The following SLC24A4 variants were observed in gnomAD, a reference collection of about 807,000 sequenced individuals.
SLC24A4 encodes sodium/potassium/calcium exchanger 4.
A neutral mutation model predicts 79.0 loss-of-function variants in SLC24A4; 53 were observed. The observed-to-expected ratio is 0.67, with a 90% CI of 0.54 to 0.84. The LOEUF is 0.84. Ranked by LOEUF, SLC24A4 falls within the 40% of genes least tolerant of loss-of-function variation. The pLI, the probability that SLC24A4 is intolerant of heterozygous loss-of-function variation, is 0.00. For missense variants in SLC24A4, 731 were observed against 822.0 expected (o/e 0.89, Z 1.35); for synonymous variants, 323 against 323.8 (o/e 1.00, Z 0.03).
At chr14:92,393,867 C>T (rs2141744120) in intron 2 of SLC24A4, among the ~76,000 whole-genome samples, 1 of 151,974 alleles carries the variant, frequency 6.6e-6, no homozygotes, top group African/African-American at 2.4e-5. Flanking sequence ...AAAAATTAGC[C>T]AGGTATGGTG....
At chr14:92,362,095 T>C (rs1250001546) in intron 2 of SLC24A4, among the ~76,000 whole-genome samples, 1 of 152,098 alleles carries the variant, frequency 6.6e-6, no homozygotes, top group African/African-American at 2.4e-5. Context: ...TGACTGAGCG[T>C]CTTGGGGATG....
intron 12 of SLC24A4, among the ~76,000 whole-genome samples, chr14:92,466,968 C>T (rs1356681640): frequency 6.6e-6 from 1 of 152,230 alleles, no homozygotes; most frequent in Non-Finnish European, 1.5e-5. Flanking sequence ...AAAACAACCT[C>T]TGAGGTGTGA....
At chr14:92,330,269 T>C (rs996843367) in intron 2 of SLC24A4, among the ~76,000 whole-genome samples, 2 of 152,310 alleles carry the variant, frequency 1.3e-5, no homozygotes, top group South Asian at 2.1e-4. Context: ...ACAAAAGCAA[T>C]GCAAACAAAA....
chr14:92,393,566 T>TG (rs1555365263), intron 2 of SLC24A4, among the ~76,000 whole-genome samples: 1 of 146,214 alleles, frequency 6.8e-6, no homozygotes, highest in Admixed American at 6.7e-5. Context: ...TTTTTTTTTT[T>TG]ACGGAGTCTC....
At chr14:92,340,874 A>C (rs1210477212) in intron 2 of SLC24A4, among the ~76,000 whole-genome samples, 3 of 152,200 alleles carry the variant, frequency 2.0e-5, no homozygotes, top group Admixed American at 1.3e-4. Flanking sequence ...GAGCAGATGC[A>C]TTTGTTCTAA....
Position 92,449,235 on chromosome 14 carries a change from G to A in SLC24A4, c.880+19G>A, listed in dbSNP as rs1050760165. 6.2e-6 allele frequency: 10 copies of A among 1,612,568 alleles called. No homozygotes were observed. The East Asian group carries it at 6.7e-5, about 11-fold the overall frequency. On this transcript the variant is annotated intron_variant, in intron 10 of 16. Transcript: ENST00000532405. ...GGGCAAGGTAAGGCTGAGCAGACAGGAGTGGGCAGAAATGTGTCCTGGAAG... is the reference window on the plus strand; with the variant it reads ...GGGCAAGGTAAGGCTGAGCAGACAGAAGTGGGCAGAAATGTGTCCTGGAAG...
intron 2 of SLC24A4, among the ~76,000 whole-genome samples, chr14:92,375,470 T>C (rs1888446906): frequency 6.6e-6 from 1 of 152,170 alleles, no homozygotes; most frequent in African/African-American, 2.4e-5. Flanking sequence ...CACAAAGAAT[T>C]GAAAACAGGT....
chr14:92,464,588 C>T (rs1312120554), intron 12 of SLC24A4, among the ~76,000 whole-genome samples: 3 of 152,140 alleles, frequency 2.0e-5, no homozygotes, highest in Non-Finnish European at 2.9e-5. Context: ...CCAGCATCCC[C>T]CAGCCCTGCT....
chr14:92,363,602 C>G (rs143584729), intron 2 of SLC24A4, among the ~76,000 whole-genome samples: 338 of 152,304 alleles, frequency 2.2e-3, no homozygotes, highest in African/African-American at 8.0e-3. Context: ...GAGGCTGAGG[C>G]AGGCAGATCC....
At chr14:92,359,168 C>T (rs1887353685) in intron 2 of SLC24A4, among the ~76,000 whole-genome samples, 1 of 152,300 alleles carries the variant, frequency 6.6e-6, no homozygotes, top group South Asian at 2.1e-4. Flanking sequence ...TCCAGCCTAG[C>T]CTAGCAGGCT....
chr14:92,490,779 G>A lies in SLC24A4; in HGVS notation c.1538-886G>A, dbSNP rs1895635987. Reference sequence around the variant, plus strand: ...ACATCAGCTGACAAGCCTGGCAGGAGAGATCATGAAGGGCCCGCATGCATC... The same window carrying A: ...ACATCAGCTGACAAGCCTGGCAGGAAAGATCATGAAGGGCCCGCATGCATC... On this transcript the variant is annotated intron_variant, in intron 14 of 16. Coordinates refer to ENST00000532405, the MANE Select transcript of SLC24A4 (RefSeq NM_153646.4). The surrounding 1 kb of genome is among the most constrained non-coding windows in gnomAD (Gnocchi z 4.3). 6.6e-6 allele frequency among the ~76,000 whole-genome samples: 1 copy of A among 152,228 alleles called. No individual in the cohort carries two copies. The highest frequency in any genetic ancestry group is 1.5e-5 in the Non-Finnish European group (1 of 68,042).
intron 2 of SLC24A4, among the ~76,000 whole-genome samples, chr14:92,389,044 A>G (rs147889205): frequency 0.01 from 1,537 of 152,332 alleles, 54 homozygotes; most frequent in Admixed American, 0.07. Context: ...GATTTTCTTC[A>G]GAGTAAACTG....
intron 2 of SLC24A4, among the ~76,000 whole-genome samples, chr14:92,412,060 A>G (rs1311494088): frequency 6.6e-6 from 1 of 152,128 alleles, no homozygotes; most frequent in African/African-American, 2.4e-5. Flanking sequence ...TCTCTCTTCC[A>G]TGCTGGCTTC....
rs539608343 is a variant in SLC24A4, at chr14:92,398,992, G to A, written c.242-34920G>A. Among the ~76,000 whole-genome samples, 6 of 152,248 alleles carry A rather than the reference G, an allele frequency of 3.9e-5. No homozygotes were observed. In the East Asian group the frequency reaches 1.2e-3, roughly 29 times the overall value. On this transcript the variant is annotated intron_variant, in intron 2 of 16. Transcript: ENST00000532405. This position sits in a 1 kb window ranked among gnomAD's most constrained non-coding sequence, Gnocchi z 4.1. ...GATGATCAAGTATCCTACTTCAGGG[G>A]GATTCTAGCGAGATTTAGGAACTTA...
chr14:92,332,822 G>T (rs1228151488), intron 2 of SLC24A4, among the ~76,000 whole-genome samples: 4 of 152,152 alleles, frequency 2.6e-5, no homozygotes, highest in Non-Finnish European at 5.9e-5. Context: ...GGTAAGTACA[G>T]AAAAACAATT....
At chr14:92,442,487 A>G (rs929900365) in intron 5 of SLC24A4, among the ~76,000 whole-genome samples, 2 of 152,272 alleles carry the variant, frequency 1.3e-5, no homozygotes, top group East Asian at 1.9e-4. Context: ...CATGCACATT[A>G]TATCTGAGTA....
At chr14:92,410,744 A>G (rs542317388) in intron 2 of SLC24A4, among the ~76,000 whole-genome samples, 1 of 152,342 alleles carries the variant, frequency 6.6e-6, no homozygotes, top group East Asian at 1.9e-4. Context: ...CCAAGGCCAG[A>G]CCACCAGTAA....
chr14:92,400,162 C>T (rs1003656440), intron 2 of SLC24A4, among the ~76,000 whole-genome samples: 3 of 152,032 alleles, frequency 2.0e-5, no homozygotes, highest in African/African-American at 4.8e-5. Flanking sequence ...AGTTGGAGGC[C>T]GAGCGTGGTG....
rs534422254 is a variant in SLC24A4, at chr14:92,499,304, G to T, written c.*5676G>T. 4 of 152,260 alleles carry T rather than the reference G, an allele frequency of 2.6e-5. No individual in the cohort carries two copies. Among genetic ancestry groups the T allele is most frequent in the Admixed American group, 2.0e-4 (3 of 15,296 alleles). 9.4% of individuals were successfully genotyped at this position (152,260 alleles called of 1,614,324 possible). A position where few individuals can be genotyped will look rare whatever the true frequency, so the allele number is the denominator to read the frequency against. ...CTAGTCTAGGAACATGTCTGCTGCT[G>T]GGATACCCTGGTACCAGGATTTGAG... On this transcript the variant is annotated 3_prime_UTR_variant, in exon 17 of 17. Coordinates refer to ENST00000532405, the MANE Select transcript of SLC24A4 (RefSeq NM_153646.4).
Sources: allele counts gnomAD v4.1 joint callset (sites outside exome capture counted in the v4.1 genomes callset), GRCh38; gene constraint gnomAD v4.1.1; non-coding constraint Gnocchi (gnomAD v3.1); transcripts MANE v1.5; gene names NCBI Gene and HGNC (gene_info 2026-07-23, HGNC 2026-07-21).